Variants in NT5C1A observed in about 807,000 individuals in gnomAD.
The protein encoded by NT5C1A is 5'-nucleotidase, cytosolic IA, also known as cytosolic 5'-nucleotidase 1A.
Under a neutral mutation model 31.0 loss-of-function variants are expected in NT5C1A, and 18 were observed. The observed-to-expected ratio is 0.58, with a 90% confidence interval of 0.40 to 0.86. The LOEUF (loss-of-function observed/expected upper bound fraction) is 0.86. Among genes scored for constraint, NT5C1A ranks in the 40% least tolerant of loss-of-function variants. The probability of loss-of-function intolerance (pLI) is 0.00; values close to 1 mark genes in which losing one functional copy is unlikely to be tolerated. For synonymous variants in NT5C1A, 185 were observed against 203.6 expected, an observed-to-expected ratio of 0.91 and a Z score of 0.78; for missense variants, 470 against 505.4, an observed-to-expected ratio of 0.93 and a Z score of 0.67.
chr1:39,660,995 G>A, intron 5 of NT5C1A, 84 bp downstream of exon 5: 1 of 752,548 alleles, frequency 1.3e-6, no homozygotes, highest in Non-Finnish European at 2.2e-6. Flanking sequence ...GGGTTTGTTT[G>A]CTTCCAGGCT....
At chr1:39,667,873 G>T (rs144548441) in intron 1 of NT5C1A, among the ~76,000 whole-genome samples, 6 of 152,332 alleles carry the variant, frequency 3.9e-5, no homozygotes, top group African/African-American at 1.4e-4. Flanking sequence ...CTGAATTTTA[G>T]ATTTTACTTC....
intron 5 of NT5C1A, among the ~76,000 whole-genome samples, chr1:39,660,017 A>C (rs1646484916): frequency 6.6e-6 from 1 of 152,174 alleles, no homozygotes; most frequent in Admixed American, 6.5e-5. Context: ...AGAACAATGA[A>C]GCTTCCTGAG....
chr1:39,671,664 C>A (rs995232206), intron 1 of NT5C1A, among the ~76,000 whole-genome samples: 4 of 152,096 alleles, frequency 2.6e-5, no homozygotes, highest in Admixed American at 6.5e-5. Flanking sequence ...CTAGCTGGGC[C>A]CTGATGACAG....
chr1:39,667,027 GC>G (rs974669917), intron 1 of NT5C1A, among the ~76,000 whole-genome samples: 5 of 152,176 alleles, frequency 3.3e-5, no homozygotes, highest in South Asian at 2.1e-4. Flanking sequence ...TCTGACCACA[GC>G]CCCCCTCTTT....
chr1:39,664,011 T>A (rs1646505210), intron 3 of NT5C1A, among the ~76,000 whole-genome samples: 2 of 152,180 alleles, frequency 1.3e-5, no homozygotes, highest in African/African-American at 4.8e-5. Flanking sequence ...AGTGTGTATG[T>A]CACACAGGTG....
At position 39,657,454 on chromosome 1, in the gene NT5C1A, CATG is replaced by C. The variant is rs767568371; in HGVS notation, c.*1664_*1666del. Among the ~76,000 whole-genome samples, 1 of 152,230 alleles carries C rather than the reference CATG, an allele frequency of 6.6e-6. No individual in the cohort carries two copies. The highest frequency in any genetic ancestry group is 2.1e-4 in the South Asian group (1 of 4,834). Reference sequence around the variant, plus strand: ...CACATCTCCAGGCTTCTGCCCCTCTCATGATACTTTTGGTTTTCTTTACAAAGT... The same window carrying C: ...CACATCTCCAGGCTTCTGCCCCTCTCATACTTTTGGTTTTCTTTACAAAGT... On this transcript the variant is annotated 3_prime_UTR_variant, in exon 6 of 6. Transcript: ENST00000235628.
intron 5 of NT5C1A, among the ~76,000 whole-genome samples, chr1:39,660,512 G>C (rs1037815139): frequency 2.6e-5 from 4 of 152,106 alleles, no homozygotes; most frequent in Admixed American, 2.6e-4. Context: ...AAAGCAAATG[G>C]TCTGCCCCAG....
At chr1:39,669,189 A>G (rs1646537819) in intron 1 of NT5C1A, among the ~76,000 whole-genome samples, 1 of 152,172 alleles carries the variant, frequency 6.6e-6, no homozygotes, top group African/African-American at 2.4e-5. Context: ...TCTGCCTTTC[A>G]GGGTCAGGCT....
intron 4 of NT5C1A, among the ~76,000 whole-genome samples, chr1:39,662,791 A>G (rs1261866053): frequency 1.3e-5 from 2 of 152,332 alleles, no homozygotes; most frequent in Non-Finnish European, 2.9e-5. Context: ...AGACACACAT[A>G]GAGGGACATT....
chr1:39,653,621 G>A lies in NT5C1A; in HGVS notation c.*5500C>T, dbSNP rs114874962. Among the ~76,000 whole-genome samples, 2,928 of 152,274 alleles carry A rather than the reference G, an allele frequency of 0.019. 36 individuals carry two copies. The highest frequency in any genetic ancestry group is 0.03 in the Non-Finnish European group (2,039 of 68,028). ...GAGCTAACCGTGGGGAGAGTCCAGC[G>A]CAGCACTAAGTCAGTGGGAGAGAAA... On this transcript the variant is annotated 3_prime_UTR_variant, in exon 6 of 6. Transcript: ENST00000235628.
chr1:39,663,586 AG>A (rs1463874115), intron 3 of NT5C1A, 152 bp from the exon 4 acceptor site: 1 of 707,662 alleles, frequency 1.4e-6, no homozygotes, highest in Admixed American at 2.7e-5. Flanking sequence ...TTCCCCTCTG[AG>A]CCCCTCCATC....
In NT5C1A at chr1:39,656,442, T is replaced by C. The variant is rs1255926615; in HGVS notation, c.*2679A>G. ...TTTTTTCCAGGCCTGAGATGCTCAT[T>C]TGTGATTTCAATAATAGAATTTAGA... is the stretch of plus-strand genomic sequence containing the variant. On this transcript the variant is annotated 3_prime_UTR_variant, in exon 6 of 6. Coordinates refer to ENST00000235628, the MANE Select transcript of NT5C1A (RefSeq NM_032526.3). 1.3e-5 allele frequency among the ~76,000 whole-genome samples: 2 copies of C among 152,216 alleles called. No homozygotes were observed. The highest frequency in any genetic ancestry group is 2.9e-5 in the Non-Finnish European group (2 of 68,036).
chr1:39,659,166 T>C lies in NT5C1A; in HGVS notation c.1062A>G (p.Thr354=). Residue 354 remains threonine, a synonymous_variant, in exon 6 of 6, where the codon ACA becomes ACG. Coordinates refer to ENST00000235628, the MANE Select transcript of NT5C1A (RefSeq NM_032526.3). ...GCTTTGCAGGTGCAGTCCGCCGGGGTGTCTGTGCCACACCATAAGGCACAT... is the reference window on the plus strand; with the variant it reads ...GCTTTGCAGGTGCAGTCCGCCGGGGCGTCTGTGCCACACCATAAGGCACAT... ...AAHVPYGVAQ[T]PRRTAPAKQA... 6.2e-7 allele frequency: 1 copy of C among 1,611,710 alleles called. No individual in the cohort carries two copies. Among genetic ancestry groups the C allele is most frequent in the Non-Finnish European group, 8.5e-7 (1 of 1,178,434 alleles).
chr1:39,670,946 G>C (rs1259576933), intron 1 of NT5C1A, among the ~76,000 whole-genome samples: 1 of 152,312 alleles, frequency 6.6e-6, no homozygotes, highest in African/African-American at 2.4e-5. Context: ...AGGGACTCAG[G>C]TTATTTAATT....
At chr1:39,670,054 C>T (rs1335584477) in intron 1 of NT5C1A, among the ~76,000 whole-genome samples, 1 of 152,012 alleles carries the variant, frequency 6.6e-6, no homozygotes, top group African/African-American at 2.4e-5. Flanking sequence ...CATATGGTAC[C>T]AGATATAACA....
rs903964449 is a variant in NT5C1A, at chr1:39,656,650, C to G, written c.*2471G>C. Among the ~76,000 whole-genome samples, 2 of 152,232 alleles carry G rather than the reference C, an allele frequency of 1.3e-5. No individual in the cohort carries two copies. Among genetic ancestry groups the G allele is most frequent in the African/African-American group, 4.8e-5 (2 of 41,464 alleles). ...CCCTGGGGGCAAGACCACACAGGTC[C>G]CAGAATCCCTGCAGTTTTTCTTAAT... On this transcript the variant is annotated 3_prime_UTR_variant, in exon 6 of 6. Coordinates refer to ENST00000235628, the MANE Select transcript of NT5C1A (RefSeq NM_032526.3).
rs1032033482 is a variant in NT5C1A at position 39,655,179 on chromosome 1, A to G, written c.*3942T>C. Among the ~76,000 whole-genome samples, 7 of 152,018 alleles carry G rather than the reference A, an allele frequency of 4.6e-5. No homozygotes were observed. Among genetic ancestry groups the G allele is most frequent in the Non-Finnish European group, 1.0e-4 (7 of 67,988 alleles). ...ATGGTCTCGATCTCCTGACCTTGTG[A>G]TCCACCCGCCTTGGCCTCCCAAAGT... On this transcript the variant is annotated 3_prime_UTR_variant, in exon 6 of 6. Coordinates refer to ENST00000235628, the MANE Select transcript of NT5C1A (RefSeq NM_032526.3).
intron 1 of NT5C1A, among the ~76,000 whole-genome samples, chr1:39,669,905 T>A (rs942440781): frequency 3.0e-4 from 46 of 152,136 alleles, no homozygotes; most frequent in African/African-American, 9.4e-4. Context: ...ACCCAGTTAA[T>A]CCCCTGATGA....
In NT5C1A at chr1:39,663,251, C is replaced by G. The variant is rs758971453; in HGVS notation, c.556+61G>C. ...CCTGCTCGGAACTTCAGGACCAGGC[C>G]TCCCACCTCAGGGACCCCTTTGCTG... On this transcript the variant is annotated intron_variant, in intron 4 of 5. Coordinates refer to ENST00000235628, the MANE Select transcript of NT5C1A (RefSeq NM_032526.3). The G allele has an allele frequency of 2.1e-5, 34 of 1,604,286 alleles. No homozygotes were observed. The Admixed American group carries it at 3.2e-4, about 15-fold the overall frequency.
Sources: allele counts gnomAD v4.1 joint callset (sites outside exome capture counted in the v4.1 genomes callset), GRCh38; gene constraint gnomAD v4.1.1; transcripts MANE v1.5; gene names NCBI Gene and HGNC (gene_info 2026-07-23, HGNC 2026-07-21).